The following PTPRD variants were observed in gnomAD, a reference collection of about 807,000 sequenced individuals.
PTPRD encodes protein tyrosine phosphatase receptor type D.
In PTPRD, 34 loss-of-function variants were observed where a neutral mutation model predicts 214.5. The observed-to-expected ratio is 0.16, with a 90% CI of 0.12 to 0.21. The LOEUF (loss-of-function observed/expected upper bound fraction) is 0.21. Ranked by LOEUF, PTPRD falls within the 10% of genes least tolerant of loss-of-function variation. The pLI, the probability that PTPRD is intolerant of heterozygous loss-of-function variation, is 1.00. For synonymous variants in PTPRD, 1,128 were observed against 845.7 expected, an observed-to-expected ratio of 1.33 and a Z score of -5.79; for missense variants, 2,545 against 2,398.7, an observed-to-expected ratio of 1.06 and a Z score of -1.27.
chr9:8,759,032 G>GT (rs545532961), intron 11 of PTPRD, among the ~76,000 whole-genome samples: 314 of 139,828 alleles, frequency 2.2e-3, no homozygotes, highest in Middle Eastern at 0.02. Flanking sequence ...TTGGTTTTGG[G>GT]TTTTTTTTTT....
intron 11 of PTPRD, among the ~76,000 whole-genome samples, chr9:8,774,603 C>T (rs564133439): frequency 8.3e-4 from 120 of 144,212 alleles, no homozygotes; most frequent in Non-Finnish European, 1.6e-3. Context: ...GGCGCAATCT[C>T]GGCCCACTGC....
At chr9:10,551,760 G>T (rs1319842217) in intron 2 of PTPRD, among the ~76,000 whole-genome samples, 1 of 152,062 alleles carries the variant, frequency 6.6e-6, no homozygotes, top group Non-Finnish European at 1.5e-5. Flanking sequence ...TCCCACTATT[G>T]CTTCCAGACC....
Position 8,934,500 on chromosome 9 carries a change from TATATAAATATATATATATAA to T in PTPRD, c.-104+84177_-104+84196del, listed in dbSNP as rs1567101281. Among the ~76,000 whole-genome samples the T allele has an allele frequency of 4.6e-3, 128 of 27,562 alleles. 6 individuals are homozygous for T. Among genetic ancestry groups the T allele is most frequent in the African/African-American group, 0.019 (124 of 6,592 alleles). The allele number at this position is 27,562 out of a possible 152,430, so 18.1% of individuals were successfully genotyped here. A position where few individuals can be genotyped will look rare whatever the true frequency, so the allele number is the denominator to read the frequency against. ...ATAAATATATATATATATAAATATATATATAAATATATATATATAAATATATATATATATGGGAAACCATA... is the reference window on the plus strand; with the variant it reads ...ATAAATATATATATATATAAATATATATATATATATATATGGGAAACCATA... On this transcript the variant is annotated intron_variant, in intron 11 of 45. Transcript: ENST00000381196.
intron 7 of PTPRD, among the ~76,000 whole-genome samples, chr9:9,584,005 A>G (rs2091409312): frequency 6.6e-6 from 1 of 152,066 alleles, no homozygotes; most frequent in South Asian, 2.1e-4. Flanking sequence ...AGCTAAGTAT[A>G]CAGTGGTAAC....
At chr9:10,260,071 T>G (rs1456379631) in intron 3 of PTPRD, among the ~76,000 whole-genome samples, 1 of 152,190 alleles carries the variant, frequency 6.6e-6, no homozygotes, top group Admixed American at 6.5e-5. Flanking sequence ...AGCTCCCTAC[T>G]ACACTAAAAC....
chr9:10,065,068 G>C (rs1263026773), intron 3 of PTPRD, among the ~76,000 whole-genome samples: 1 of 151,322 alleles, frequency 6.6e-6, no homozygotes, highest in Non-Finnish European at 1.5e-5. Flanking sequence ...AATTTGCCTT[G>C]CCTAGATTGC....
At chr9:8,613,208 T>C (rs988029062) in intron 14 of PTPRD, among the ~76,000 whole-genome samples, 10 of 152,024 alleles carry the variant, frequency 6.6e-5, no homozygotes, top group South Asian at 6.2e-4. Flanking sequence ...GAATAACAAA[T>C]ATAAAAAAGC....
At chr9:8,899,381 A>C (rs988024803) in intron 11 of PTPRD, among the ~76,000 whole-genome samples, 3 of 152,176 alleles carry the variant, frequency 2.0e-5, no homozygotes, top group African/African-American at 7.2e-5. Flanking sequence ...TAATTCAAGC[A>C]GTTGCACAAT....
intron 4 of PTPRD, among the ~76,000 whole-genome samples, chr9:10,031,647 T>TACATACACACACACACACACAC (rs1555494945): frequency 3.3e-5 from 3 of 89,648 alleles, no homozygotes; most frequent in African/African-American, 1.6e-4. Context: ...TATATATATA[T>TACATACACACACACACACACAC]ACACACACAC....
chr9:9,109,523 A>G (rs111442866), intron 10 of PTPRD, among the ~76,000 whole-genome samples: 4 of 152,294 alleles, frequency 2.6e-5, no homozygotes, highest in African/African-American at 9.6e-5. Context: ...CAAAGCATTT[A>G]GTGGCAAGCA....
At chr9:8,798,846 A>G (rs112017434) in intron 11 of PTPRD, among the ~76,000 whole-genome samples, 2 of 152,190 alleles carry the variant, frequency 1.3e-5, no homozygotes, top group South Asian at 2.1e-4. Flanking sequence ...ACAATGAACT[A>G]TAAGTCAGAG....
intron 4 of PTPRD, among the ~76,000 whole-genome samples, chr9:10,023,239 A>T (rs1016703726): frequency 6.6e-6 from 1 of 152,166 alleles, no homozygotes; most frequent in African/African-American, 2.4e-5. Flanking sequence ...TTAAGTGTAT[A>T]ACCAATCATT....
intron 2 of PTPRD, among the ~76,000 whole-genome samples, chr9:10,508,882 A>C (rs1589718989): frequency 1.3e-5 from 2 of 152,152 alleles, no homozygotes; most frequent in African/African-American, 4.8e-5. Flanking sequence ...AACATGGTAC[A>C]TGTATACATA....
At chr9:9,170,022 T>A (rs1293840977) in intron 10 of PTPRD, among the ~76,000 whole-genome samples, 1 of 152,214 alleles carries the variant, frequency 6.6e-6, no homozygotes, top group Non-Finnish European at 1.5e-5. Flanking sequence ...TTTTTTCATT[T>A]GTATTTATTT....
At chr9:8,688,846 G>A (rs1452079653) in intron 12 of PTPRD, among the ~76,000 whole-genome samples, 1 of 152,088 alleles carries the variant, frequency 6.6e-6, no homozygotes, top group African/African-American at 2.4e-5. Context: ...AAAACGAATG[G>A]TTTTATCCAA....
chr9:8,333,792 G>A (rs7856860), intron 43 of PTPRD, among the ~76,000 whole-genome samples: 84,754 of 151,594 alleles, frequency 0.56, 24,522 homozygotes, highest in Non-Finnish European at 0.65. Flanking sequence ...CATCTCACAC[G>A]CAGAGATACA....
intron 8 of PTPRD, among the ~76,000 whole-genome samples, chr9:9,535,243 A>C (rs1489657901): frequency 6.6e-6 from 1 of 152,078 alleles, no homozygotes; most frequent in East Asian, 1.9e-4. Flanking sequence ...ACTTTGACTG[A>C]AGATGTAAAC....
chr9:9,324,986 A>C (rs1595804600), intron 9 of PTPRD, among the ~76,000 whole-genome samples: 1 of 152,236 alleles, frequency 6.6e-6, no homozygotes, highest in South Asian at 2.1e-4. Flanking sequence ...AGGTTTGTTA[A>C]AGATCAGATG....
chr9:10,229,785 T>A (rs2099602346), intron 3 of PTPRD, among the ~76,000 whole-genome samples: 2 of 151,726 alleles, frequency 1.3e-5, no homozygotes, highest in South Asian at 4.2e-4. Context: ...CACACCAACA[T>A]AGCACACGTA....
Sources: gnomAD v4.1 joint callset for allele counts (sites outside exome capture counted in the v4.1 genomes callset) on GRCh38, gnomAD v4.1.1 for gene constraint, MANE v1.5 for transcripts, NCBI Gene and HGNC (gene_info 2026-07-23, HGNC 2026-07-21) for gene names.